The following PRMT8 variants were observed in gnomAD, a reference collection of about 807,000 sequenced individuals.
The protein encoded by PRMT8 is protein arginine N-methyltransferase 8.
Under a neutral mutation model 47.1 loss-of-function variants are expected in PRMT8, and 7 were observed. That is an observed-to-expected ratio of 0.15 (90% CI 0.08 to 0.28). The LOEUF is 0.28. Ranked by LOEUF, PRMT8 falls within the 10% of genes least tolerant of loss-of-function variation. The pLI is 1.00. For synonymous variants in PRMT8, 188 were observed against 186.5 expected (o/e 1.01, Z -0.07); for missense variants, 237 against 505.4 (o/e 0.47, Z 5.09).
chr12:3,392,173 A>G (rs1864199121), intron 1 of PRMT8, among the ~76,000 whole-genome samples: 1 of 152,110 alleles, frequency 6.6e-6, no homozygotes, highest in African/African-American at 2.4e-5. Context: ...CAAGCTAAGA[A>G]ATTTGGATTT....
At chr12:3,424,608 C>T (rs1019988739) in intron 1 of PRMT8, among the ~76,000 whole-genome samples, 4 of 152,100 alleles carry the variant, frequency 2.6e-5, no homozygotes, top group Non-Finnish European at 4.4e-5. Context: ...GAGTCCCTAC[C>T]AGTCTTCAGT....
At chr12:3,386,007 A>G (rs540060178) in intron 1 of PRMT8, among the ~76,000 whole-genome samples, 42 of 152,344 alleles carry the variant, frequency 2.8e-4, no homozygotes, top group African/African-American at 1.0e-3. Flanking sequence ...TATATTTGAC[A>G]TGCCACACGA....
intron 1 of PRMT8, among the ~76,000 whole-genome samples, chr12:3,472,631 C>A (rs17696767): frequency 6.6e-6 from 1 of 152,196 alleles, no homozygotes; most frequent in Non-Finnish European, 1.5e-5. Flanking sequence ...AGCACAGGGC[C>A]TGACCCAGTA....
At chr12:3,460,014 C>T (rs1488889458) in intron 1 of PRMT8, among the ~76,000 whole-genome samples, 1 of 152,198 alleles carries the variant, frequency 6.6e-6, no homozygotes, top group Non-Finnish European at 1.5e-5. Flanking sequence ...TTTAATTGTC[C>T]CCTGGGAGGT....
chr12:3,448,383 T>C (rs76110827), intron 1 of PRMT8, among the ~76,000 whole-genome samples: 3,356 of 152,348 alleles, frequency 0.022, 187 homozygotes, highest in South Asian at 0.16. Flanking sequence ...ATAGTTATTG[T>C]ATTACAAATT....
chr12:3,523,544 AACTT>A (rs1478590723), intron 1 of PRMT8, among the ~76,000 whole-genome samples: 2 of 152,286 alleles, frequency 1.3e-5, no homozygotes, highest in South Asian at 2.1e-4. Flanking sequence ...TAAAATAACT[AACTT>A]AAGGCAAATT....
intron 1 of PRMT8, among the ~76,000 whole-genome samples, chr12:3,475,765 T>TG (rs1865206224): frequency 7.4e-5 from 3 of 40,498 alleles, no homozygotes; most frequent in East Asian, 5.9e-4. Flanking sequence ...AGGGTTGGGA[T>TG]GGGGGGCCTC....
chr12:3,496,061 G>T (rs1865499480), intron 1 of PRMT8, among the ~76,000 whole-genome samples: 1 of 151,572 alleles, frequency 6.6e-6, no homozygotes, highest in African/African-American at 2.4e-5. Flanking sequence ...GCTACTGCTT[G>T]CTTTACTGAT....
chr12:3,482,151 C>T (rs1442235815), intron 1 of PRMT8, among the ~76,000 whole-genome samples: 2 of 152,040 alleles, frequency 1.3e-5, no homozygotes, highest in Non-Finnish European at 2.9e-5. Flanking sequence ...GTTTTATGGG[C>T]CAGGAGGAAA....
intron 7 of PRMT8, among the ~76,000 whole-genome samples, chr12:3,582,826 C>T (rs1418965756): frequency 3.3e-5 from 5 of 152,174 alleles, no homozygotes; most frequent in South Asian, 2.1e-4. Flanking sequence ...TTCTGCTCCC[C>T]TCAGGTTTTG....
chr12:3,477,705 C>G (rs755779181), intron 1 of PRMT8, among the ~76,000 whole-genome samples: 3 of 152,180 alleles, frequency 2.0e-5, no homozygotes, highest in Non-Finnish European at 4.4e-5. Flanking sequence ...TCCTTCCAAA[C>G]CACTGGCGGT....
At position 3,583,147 on chromosome 12, in the gene PRMT8, C is replaced by T. The variant is rs577950603; in HGVS notation, c.918C>T (p.Ala306=). 4 of 1,614,018 alleles carry T rather than the reference C, an allele frequency of 2.5e-6. No individual in the cohort carries two copies. Among genetic ancestry groups the T allele is most frequent in the East Asian group, 2.2e-5 (1 of 44,874 alleles). Residue 306 remains alanine (A), a synonymous_variant, in exon 8 of 10, where the codon GCC becomes GCT. Coordinates refer to ENST00000382622, the MANE Select transcript of PRMT8 (RefSeq NM_019854.5). This position sits in a 1 kb window ranked among gnomAD's most constrained non-coding sequence, Gnocchi z 4.7. ...LQIQRNDYVH[A]LVTYFNIEFT... ...TACAGCGCAACGACTACGTCCACGC[C>T]CTGGTCACCTATTTTAATATTGAAT...
At chr12:3,442,564 G>C (rs1284771788) in intron 1 of PRMT8, among the ~76,000 whole-genome samples, 1 of 152,214 alleles carries the variant, frequency 6.6e-6, no homozygotes, top group Non-Finnish European at 1.5e-5. Context: ...GCTGCAAAGA[G>C]AATGGGGTAC....
chr12:3,532,499 C>T (rs1866047118), intron 1 of PRMT8, among the ~76,000 whole-genome samples: 1 of 147,642 alleles, frequency 6.8e-6, no homozygotes, highest in African/African-American at 2.5e-5. Flanking sequence ...GTAGTCCCAG[C>T]TACTTGGGAG....
intron 8 of PRMT8, among the ~76,000 whole-genome samples, chr12:3,585,250 G>A (rs1867144993): frequency 6.7e-6 from 1 of 149,302 alleles, no homozygotes; most frequent in Non-Finnish European, 1.5e-5. Flanking sequence ...GAGGAGGTGA[G>A]TAGTTGTATG....
chr12:3,470,345 G>T (rs1012563248), intron 1 of PRMT8, among the ~76,000 whole-genome samples: 2 of 152,174 alleles, frequency 1.3e-5, no homozygotes, highest in Non-Finnish European at 2.9e-5. Context: ...TTTTCCATAG[G>T]ACTCAATGTG....
At chr12:3,435,249 A>G (rs1382278965) in intron 1 of PRMT8, among the ~76,000 whole-genome samples, 4 of 151,928 alleles carry the variant, frequency 2.6e-5, no homozygotes, top group Non-Finnish European at 5.9e-5. Context: ...GATTATAGGC[A>G]TGAGCCACCC....
intron 1 of PRMT8, among the ~76,000 whole-genome samples, chr12:3,458,565 C>T (rs1865001275): frequency 6.6e-6 from 1 of 152,222 alleles, no homozygotes; most frequent in African/African-American, 2.4e-5. Flanking sequence ...AGCAGCCAGT[C>T]CCAAAAGAGT....
chr12:3,421,822 A>G (rs1864544412), intron 1 of PRMT8, among the ~76,000 whole-genome samples: 1 of 152,236 alleles, frequency 6.6e-6, no homozygotes, highest in Non-Finnish European at 1.5e-5. Flanking sequence ...TTAACCTCAC[A>G]AAGAACTCAG....
Sources: allele counts gnomAD v4.1 joint callset (sites outside exome capture counted in the v4.1 genomes callset), GRCh38; gene constraint gnomAD v4.1.1; non-coding constraint Gnocchi (gnomAD v3.1); transcripts MANE v1.5; gene names NCBI Gene and HGNC (gene_info 2026-07-23, HGNC 2026-07-21).